The following ERC1 variants were observed in gnomAD, a reference collection of about 807,000 sequenced individuals.
ERC1 encodes the protein ELKS/RAB6-interacting/CAST family member 1.
A neutral mutation model predicts 132.0 loss-of-function variants in ERC1; 56 were observed. The observed-to-expected ratio is 0.42, with a 90% CI of 0.34 to 0.53. The LOEUF is 0.53. Ranked by LOEUF, ERC1 falls within the 20% of genes least tolerant of loss-of-function variation. ERC1 has a pLI of 0.03. For missense variants in ERC1, 1,202 were observed against 1,349.9 expected (o/e 0.89, Z 1.72); for synonymous variants, 478 against 476.1 (o/e 1.00, Z -0.05).
intron 2 of ERC1, among the ~76,000 whole-genome samples, chr12:1,075,414 T>TG (rs1227486557): frequency 6.6e-6 from 1 of 152,152 alleles, no homozygotes; most frequent in African/African-American, 2.4e-5. Context: ...GAAAATTGTC[T>TG]GGGTGTGGTG....
intron 16 of ERC1, among the ~76,000 whole-genome samples, chr12:1,403,316 T>A (rs1408443889): frequency 6.6e-6 from 1 of 152,210 alleles, no homozygotes; most frequent in East Asian, 1.9e-4. Context: ...AGGAAAAACA[T>A]TTGGATATAA....
chr12:1,104,819 A>C lies in ERC1; in HGVS notation c.1156A>C (p.Met386Leu). ...AAAAGCTCTGCAAACTGTTATTGAG[A>C]TGAAGGTAAGTGAGAATCTAGTAAA... ...KTKALQTVIE[M>L]KDSKISSMER... The change falls in exon 4 of 19, where the codon ATG (methionine) becomes CTG (leucine). Residue 386 changes from methionine (M) to leucine (L), a missense_variant. Transcript: ENST00000360905. The C allele has an allele frequency of 1.2e-6, 2 of 1,609,082 alleles. No homozygotes were observed. Among genetic ancestry groups the C allele is most frequent in the Non-Finnish European group, 1.7e-6 (2 of 1,175,464 alleles).
intron 12 of ERC1, among the ~76,000 whole-genome samples, chr12:1,216,842 A>G (rs992960559): frequency 1.3e-5 from 2 of 152,160 alleles, no homozygotes; most frequent in Non-Finnish European, 2.9e-5. Flanking sequence ...TAAACAAGAA[A>G]CATGAAAGGG....
In ERC1 at chr12:1,028,575, A is replaced by G. The variant is rs767676264; in HGVS notation, c.669+3A>G. 2 of 1,602,746 alleles carry G rather than the reference A, an allele frequency of 1.2e-6. No individual in the cohort carries two copies. The highest frequency in any genetic ancestry group is 1.7e-6 in the Non-Finnish European group (2 of 1,174,470). ...GAGTTGTACAGGAGGAAAACCAGGT[A>G]AGTTCTACGTGTGTTTACCTTTATT... is the stretch of plus-strand genomic sequence containing the variant. On this transcript the variant is annotated splice_donor_region_variant and intron_variant, in intron 2 of 18. Transcript: ENST00000360905.
At chr12:1,267,280 A>C (rs1484169234) in intron 14 of ERC1, among the ~76,000 whole-genome samples, 1 of 152,192 alleles carries the variant, frequency 6.6e-6, no homozygotes, top group Non-Finnish European at 1.5e-5. Context: ...TATTTCTGGA[A>C]GCTTTCTCTG....
chr12:1,354,317 A>C (rs1285571157), intron 15 of ERC1, among the ~76,000 whole-genome samples: 2 of 152,014 alleles, frequency 1.3e-5, no homozygotes, highest in Non-Finnish European at 2.9e-5. Context: ...TGAGGTCAGG[A>C]GTTCGAGACC....
intron 15 of ERC1, among the ~76,000 whole-genome samples, chr12:1,333,123 C>T (rs571647362): frequency 2.8e-4 from 42 of 149,612 alleles, no homozygotes; most frequent in African/African-American, 8.8e-4. Context: ...CTCCATTAGG[C>T]GCCAGTGGCT....
intron 16 of ERC1, among the ~76,000 whole-genome samples, chr12:1,373,440 G>A (rs2087482213): frequency 6.6e-6 from 1 of 152,198 alleles, no homozygotes; most frequent in Non-Finnish European, 1.5e-5. Context: ...ATTTACAGTG[G>A]TTTTTGATTA....
At position 1,376,736 on chromosome 12, in the gene ERC1, A is replaced by G. The variant is rs971954374; in HGVS notation, c.2925+4759A>G. Among the ~76,000 whole-genome samples the G allele has an allele frequency of 2.0e-5, 3 of 152,224 alleles. No individual in the cohort carries two copies. In the South Asian group the frequency reaches 6.2e-4, roughly 32 times the overall value. On this transcript the variant is annotated intron_variant, in intron 16 of 18. Transcript: ENST00000360905. ...GTAATCAGATTGTATTAGAATTAGA[A>G]TAATACAAACAATGCTATTTTATGT... is the stretch of plus-strand genomic sequence containing the variant.
At position 1,388,940 on chromosome 12, in the gene ERC1, C is replaced by T. The variant is rs533143177; in HGVS notation, c.2925+16963C>T. On this transcript the variant is annotated intron_variant, in intron 16 of 18. Coordinates refer to ENST00000360905, the MANE Select transcript of ERC1 (RefSeq NM_178040.4). ...CTTGCCGGCTCTATGAGGAAGCTGC[C>T]CTCCATGCAGCAATTCAGTAATCCA... Among the ~76,000 whole-genome samples, 5 of 152,246 alleles carry T rather than the reference C, an allele frequency of 3.3e-5. No individual in the cohort carries two copies. In the East Asian group the frequency reaches 9.7e-4, roughly 29 times the overall value.
chr12:1,219,601 T>C (rs1958768733), intron 12 of ERC1, among the ~76,000 whole-genome samples: 1 of 151,746 alleles, frequency 6.6e-6, no homozygotes, highest in South Asian at 2.1e-4. Context: ...ACTTCTGTAC[T>C]AGTCCCATCT....
intron 14 of ERC1, among the ~76,000 whole-genome samples, chr12:1,278,292 G>C (rs1430110510): frequency 5.3e-5 from 8 of 152,182 alleles, no homozygotes; most frequent in Non-Finnish European, 1.0e-4. Flanking sequence ...TTTGAAAGAT[G>C]TATGAAATGA....
chr12:1,144,614 G>GTGTATATATATATATATATA (rs1555268149), intron 8 of ERC1, among the ~76,000 whole-genome samples: 1 of 132,296 alleles, frequency 7.6e-6, no homozygotes, highest in African/African-American at 3.1e-5. Flanking sequence ...GAATTTTGTG[G>GTGTATATATATATATATATA]TATATATATA....
chr12:1,197,412 G>A (rs770528221), intron 12 of ERC1, among the ~76,000 whole-genome samples: 1 of 152,166 alleles, frequency 6.6e-6, no homozygotes, highest in African/African-American at 2.4e-5. Flanking sequence ...CAGGTGTTCA[G>A]TTTTCATTAA....
intron 16 of ERC1, among the ~76,000 whole-genome samples, chr12:1,374,881 T>C (rs2087705879): frequency 6.8e-6 from 1 of 147,352 alleles, no homozygotes; most frequent in East Asian, 2.0e-4. Context: ...AGTATAAAAG[T>C]AAAGGCTACA....
intron 8 of ERC1, among the ~76,000 whole-genome samples, chr12:1,148,873 A>G (rs1258207273): frequency 5.9e-5 from 9 of 152,174 alleles, no homozygotes; most frequent in Non-Finnish European, 1.5e-5. Flanking sequence ...AAGTGCAGGG[A>G]TCACAGGCAT....
rs981942518 is a variant in ERC1, at chr12:1,140,234, G to C, written c.1570-1386G>C. 2.3e-4 allele frequency among the ~76,000 whole-genome samples: 35 copies of C among 152,222 alleles called. 1 individual carries two copies. Among genetic ancestry groups the C allele is most frequent in the Admixed American group, 1.3e-3 (20 of 15,282 alleles). On this transcript the variant is annotated intron_variant, in intron 7 of 18. Transcript: ENST00000360905. ...TACTTATTATAGCAGTCTCCAATGA[G>C]ACTAGTCTTGTTAAGAAATTTTCCA...
intron 13 of ERC1, among the ~76,000 whole-genome samples, chr12:1,255,206 T>C (rs1243147646): frequency 6.6e-6 from 1 of 152,076 alleles, no homozygotes; most frequent in South Asian, 2.1e-4. Context: ...TTTGGTTTTC[T>C]GTTCTTGTGT....
At chr12:1,159,312 A>G (rs1199148518) in intron 8 of ERC1, among the ~76,000 whole-genome samples, 1 of 151,784 alleles carries the variant, frequency 6.6e-6, no homozygotes, top group South Asian at 2.1e-4. Flanking sequence ...TTAGGATCTC[A>G]TAAGAAACAT....
Sources: gnomAD v4.1 joint callset for allele counts (sites outside exome capture counted in the v4.1 genomes callset) on GRCh38, gnomAD v4.1.1 for gene constraint, MANE v1.5 for transcripts, NCBI Gene and HGNC (gene_info 2026-07-23, HGNC 2026-07-21) for gene names.